Variants in TTC34 observed in about 807,000 individuals in gnomAD.
TTC34 encodes the protein tetratricopeptide repeat protein 34.
In TTC34, 44 loss-of-function variants were observed where a neutral mutation model predicts 40.7. The ratio of observed to expected loss-of-function variants is 1.08; its 90% CI spans 0.85 to 1.39. The LOEUF (loss-of-function observed/expected upper bound fraction) is 1.39, where lower values mean the gene tolerates loss of function less well. TTC34 is among the 40% of genes most tolerant of loss of function. The pLI is 0.00. For synonymous variants in TTC34, 422 were observed against 398.6 expected (o/e 1.06, Z -0.70); for missense variants, 884 against 838.0 (o/e 1.05, Z -0.68).
chr1:2,683,168 G>T (rs1404991454), intron 6 of TTC34, among the ~76,000 whole-genome samples: 3 of 104,150 alleles, frequency 2.9e-5, no homozygotes, highest in African/African-American at 1.1e-4. Context: ...AGAGCATCCG[G>T]CAGCCTGGAG....
rs1012013802 is a variant in TTC34, at chr1:2,792,015, T to G, written c.785-1669A>C. On this transcript the variant is annotated intron_variant, in intron 2 of 8. Transcript: ENST00000401095. ...CTAGACTTGCCATATGCTTTTTTTT[T>G]TTTTTTTTTTTTTTTTTTAAAGACA... 9.2e-5 allele frequency among the ~76,000 whole-genome samples: 10 copies of G among 108,286 alleles called. 1 individual carries two copies. The highest frequency in any genetic ancestry group is 3.7e-4 in the African/African-American group (10 of 27,140). The allele number at this position is 108,286 out of a possible 152,430, so 71.0% of individuals were successfully genotyped here. A position where few individuals can be genotyped will look rare whatever the true frequency, so the allele number is the denominator to read the frequency against.
intron 5 of TTC34, 72 bp from the exon 6 acceptor site, chr1:2,783,847 C>A: frequency 7.5e-7 from 1 of 1,335,210 alleles, no homozygotes; most frequent in Non-Finnish European, 9.7e-7. Context: ...CCTGCCCAGC[C>A]CGGGGAGGGC....
At position 2,645,294 on chromosome 1, in the gene TTC34, C is replaced by T. The variant is rs1202839832; in HGVS notation, c.2496G>A (p.Gln832=). 1 of 1,487,462 alleles carries T rather than the reference C, an allele frequency of 6.7e-7. No individual in the cohort carries two copies. Among genetic ancestry groups the T allele is most frequent in the Admixed American group, 2.2e-5 (1 of 45,414 alleles). The allele number at this position is 1,487,462 out of a possible 1,614,324, so 92.1% of individuals were successfully genotyped here. A position where few individuals can be genotyped will look rare whatever the true frequency, so the allele number is the denominator to read the frequency against. ...TCCCACCTTGGGGCCGCCGCATACC[C>T]TGTGCCATGAGAATGTCTGCCAGGA... The change falls in exon 7 of 9, where the codon CAG becomes CAA. Residue 832 remains glutamine, a splice_region_variant and synonymous_variant. Coordinates refer to ENST00000401095, the Ensembl canonical transcript of TTC34. This position sits in a 1 kb window ranked among gnomAD's most constrained non-coding sequence, Gnocchi z 4.7.
chr1:2,680,613 A>C (rs1570797512), intron 6 of TTC34, among the ~76,000 whole-genome samples: 1 of 77,480 alleles, frequency 1.3e-5, no homozygotes. Flanking sequence ...GTGGAGCCGC[A>C]CCCCACACCC....
At chr1:2,686,726 C>T (rs1208498960) in intron 6 of TTC34, among the ~76,000 whole-genome samples, 1 of 143,756 alleles carries the variant, frequency 7.0e-6, no homozygotes, top group Admixed American at 6.9e-5. Context: ...CACACACCCC[C>T]AGGCGAGCAT....
chr1:2,644,141 C>T, intron 8 of TTC34, 123 bp downstream of exon 8: 2 of 1,095,128 alleles, frequency 1.8e-6, no homozygotes, highest in Admixed American at 2.4e-5. Flanking sequence ...CCACCCCAAA[C>T]CTAACTGAAA....
At chr1:2,777,338 AG>A (rs1198892927) in intron 6 of TTC34, among the ~76,000 whole-genome samples, 5 of 98,902 alleles carry the variant, frequency 5.1e-5, no homozygotes, top group African/African-American at 8.2e-5. Context: ...CCACACCTCC[AG>A]GGGGAGCATC....
rs4648676 is a variant in TTC34, at chr1:2,683,965, C to G, written c.2227-38402G>C. Among the ~76,000 whole-genome samples, 6 of 63,284 alleles carry G rather than the reference C, an allele frequency of 9.5e-5. No homozygotes were observed. The East Asian group carries it at 2.7e-3, about 29-fold the overall frequency. 41.5% of individuals were successfully genotyped at this position (63,284 alleles called of 152,430 possible). ...AGCAGTACCCACACCCACAGTTGAGCATCTGACAGCCTGGAGCAGCATCCT... is the reference window on the plus strand; with the variant it reads ...AGCAGTACCCACACCCACAGTTGAGGATCTGACAGCCTGGAGCAGCATCCT... On this transcript the variant is annotated intron_variant, in intron 6 of 8. Transcript: ENST00000401095.
At chr1:2,687,890 C>A (rs1338839887) in intron 6 of TTC34, among the ~76,000 whole-genome samples, 1 of 149,852 alleles carries the variant, frequency 6.7e-6, no homozygotes, top group African/African-American at 2.5e-5. Context: ...CCCACATCCC[C>A]AGGTGAGCAT....
intron 6 of TTC34, among the ~76,000 whole-genome samples, chr1:2,768,540 C>T (rs1359975954): frequency 6.6e-6 from 1 of 151,856 alleles, no homozygotes; most frequent in Non-Finnish European, 1.5e-5. Context: ...CACCCCACAA[C>T]TGCAGGTGAG....
intron 6 of TTC34, among the ~76,000 whole-genome samples, chr1:2,768,184 C>A (rs896137351): frequency 6.6e-6 from 1 of 151,844 alleles, no homozygotes; most frequent in African/African-American, 2.4e-5. Flanking sequence ...GAGCATCTGA[C>A]AGCCTGGAGC....
chr1:2,791,764 G>A (rs1051710541), intron 2 of TTC34, among the ~76,000 whole-genome samples: 2 of 152,114 alleles, frequency 1.3e-5, no homozygotes, highest in African/African-American at 4.8e-5. Context: ...TGGGACCTGA[G>A]GGTGATGGGG....
At chr1:2,792,006 C>CATTTTTTTTTTTT (rs1643668154) in intron 2 of TTC34, among the ~76,000 whole-genome samples, 1 of 39,522 alleles carries the variant, frequency 2.5e-5, no homozygotes. Context: ...TTGCCATATG[C>CATTTTTTTTTTTT]TTTTTTTTTT....
rs1043401072 is a variant in TTC34, at chr1:2,768,006, T to C, written c.2226+15603A>G. On this transcript the variant is annotated intron_variant, in intron 6 of 8. Transcript: ENST00000401095. ...TGACTGCGTGGAACAGCACGTCCCC[T>C]CAGGTGAGCATCTGACAGCATAAAA... 8.8e-5 allele frequency among the ~76,000 whole-genome samples: 13 copies of C among 147,998 alleles called. 1 individual carries two copies. Among genetic ancestry groups the C allele is most frequent in the Non-Finnish European group, 1.8e-4 (12 of 66,710 alleles).
At chr1:2,653,557 T>TGG (rs1639226246) in intron 6 of TTC34, among the ~76,000 whole-genome samples, 1 of 8,494 alleles carries the variant, frequency 1.2e-4, no homozygotes, top group South Asian at 2.5e-3. Context: ...CGGCCAGGAA[T>TGG]AGCACCCACA....
At chr1:2,768,356 C>T (rs569177693) in intron 6 of TTC34, among the ~76,000 whole-genome samples, 46 of 152,082 alleles carry the variant, frequency 3.0e-4, no homozygotes, top group Admixed American at 1.8e-3. Flanking sequence ...CACCTGGGGA[C>T]GCGTGGAAAA....
intron 6 of TTC34, among the ~76,000 whole-genome samples, chr1:2,682,223 C>A (rs1640114666): frequency 1.5e-5 from 2 of 137,918 alleles, no homozygotes; most frequent in East Asian, 2.1e-4. Flanking sequence ...GGAGCAGCAC[C>A]CACAACCCCA....
intron 6 of TTC34, among the ~76,000 whole-genome samples, chr1:2,759,718 C>G (rs1304653848): frequency 1.4e-5 from 1 of 72,830 alleles, no homozygotes; most frequent in Non-Finnish European, 2.4e-5. Context: ...AGGACCCACA[C>G]CCCGAGGTGA....
chr1:2,683,753 C>A (rs1317297682), intron 6 of TTC34, among the ~76,000 whole-genome samples: 36 of 150,296 alleles, frequency 2.4e-4, no homozygotes, highest in African/African-American at 8.0e-4. Flanking sequence ...AGCACCCACA[C>A]CCCCAGGTGA....
Sources: allele counts gnomAD v4.1 joint callset (sites outside exome capture counted in the v4.1 genomes callset), GRCh38; gene constraint gnomAD v4.1.1; non-coding constraint Gnocchi (gnomAD v3.1); transcripts MANE v1.5; gene names NCBI Gene and HGNC (gene_info 2026-07-23, HGNC 2026-07-21).